Variants in CHD5 observed in about 807,000 individuals in gnomAD.
CHD5 encodes chromodomain helicase DNA binding protein 5.
Under a neutral mutation model 230.3 loss-of-function variants are expected in CHD5, and 69 were observed. The observed-to-expected ratio is 0.30, with a 90% confidence interval of 0.25 to 0.37. The LOEUF is 0.37. Ranked by LOEUF, CHD5 falls within the 10% of genes least tolerant of loss-of-function variation. The pLI, the probability that CHD5 is intolerant of heterozygous loss-of-function variation, is 1.00. For missense variants in CHD5, 1,827 were observed against 2,622.8 expected (o/e 0.70, Z 6.63); for synonymous variants, 1,064 against 1,065.9 (o/e 1.00, Z 0.03).
In CHD5 at chr1:6,112,239, G is replaced by A. The variant is rs1295044750; in HGVS notation, c.5041C>T (p.Gln1681Ter). The change falls in exon 35 of 42, where the codon CAG becomes TAG. Residue 1681 changes from glutamine to a stop codon, truncating the protein, a stop_gained. Transcript: ENST00000262450. LOFTEE classifies it high-confidence loss of function. ...TCTTCCTCTTTGTCACCATTTTGCT[G>A]TGTTTCAATGGGCTCCTTCTCCTCA... ...KAEEKEPIET[Q>*]QNGDKEEDDE... 1 of 1,613,976 alleles carries A rather than the reference G, an allele frequency of 6.2e-7. No homozygotes were observed. The highest frequency in any genetic ancestry group is 1.3e-5 in the African/African-American group (1 of 74,886).
At position 6,167,278 on chromosome 1, in the gene CHD5, CACT is replaced by C. The variant is rs1261861397; in HGVS notation, c.207+869_207+871del. 1.3e-5 allele frequency among the ~76,000 whole-genome samples: 2 copies of C among 152,220 alleles called. No homozygotes were observed. The highest frequency in any genetic ancestry group is 2.9e-5 in the Non-Finnish European group (2 of 68,040). On this transcript the variant is annotated intron_variant, in intron 2 of 41. Transcript: ENST00000262450. This position sits in a 1 kb window ranked among gnomAD's most constrained non-coding sequence, Gnocchi z 4.5. ...CCCTGGATTCAGATCTCAGCACCAC[CACT>C]GTGTCACTGTGTGACCTTGGGCCAG...
rs368434964 is a variant in CHD5 at position 6,152,399 on chromosome 1, C to A, written c.870+13G>T. 1 of 1,610,888 alleles carries A rather than the reference C, an allele frequency of 6.2e-7. No homozygotes were observed. The highest frequency in any genetic ancestry group is 8.5e-7 in the Non-Finnish European group (1 of 1,178,496). On this transcript the variant is annotated intron_variant, in intron 6 of 41. Coordinates refer to ENST00000262450, the MANE Select transcript of CHD5 (RefSeq NM_015557.3). ...GCAAATGCACACACACGCGCACACA[C>A]GCACACACTCACCGAGGAGCCTTTC... is the stretch of plus-strand genomic sequence containing the variant.
chr1:6,128,565 C>T lies in CHD5; in HGVS notation c.3664G>A (p.Val1222Ile), dbSNP rs773619212. ...GQRPVTPIPD[V>I]QSSKGGNLAA... ...AAGTTCCCCCCTTTGGAGGACTGGACATCAGGGATGGGTGTGACCGGCCTC... is the reference window on the plus strand; with the variant it reads ...AAGTTCCCCCCTTTGGAGGACTGGATATCAGGGATGGGTGTGACCGGCCTC... The change falls in exon 24 of 42, where the codon GTC (valine) becomes ATC (isoleucine). Residue 1222 changes from valine to isoleucine, a missense_variant. Transcript: ENST00000262450. The surrounding 1 kb of genome is among the most constrained non-coding windows in gnomAD (Gnocchi z 7.8). 3 of 1,614,166 alleles carry T rather than the reference C, an allele frequency of 1.9e-6. No homozygotes were observed. The highest frequency in any genetic ancestry group is 2.5e-6 in the Non-Finnish European group (3 of 1,180,010).
intron 30 of CHD5, 71 bp downstream of exon 30, chr1:6,124,446 G>A (rs1376619133): frequency 1.3e-6 from 2 of 1,547,072 alleles, no homozygotes; most frequent in African/African-American, 1.4e-5. Context: ...TCTGACCACT[G>A]ACCCACAAGG....
At chr1:6,159,734 G>T (rs1027186042) in intron 2 of CHD5, among the ~76,000 whole-genome samples, 21 of 152,248 alleles carry the variant, frequency 1.4e-4, no homozygotes, top group African/African-American at 5.1e-4. Context: ...TGTCCCCAGG[G>T]TCTACGCCAC....
chr1:6,117,145 A>C (rs1053644760), intron 33 of CHD5, among the ~76,000 whole-genome samples: 1 of 152,186 alleles, frequency 6.6e-6, no homozygotes, highest in Non-Finnish European at 1.5e-5. Context: ...GATGGCAGGA[A>C]AAGAGAAAAA....
intron 25 of CHD5, 68 bp downstream of exon 25, chr1:6,127,977 GA>G: frequency 7.5e-7 from 1 of 1,339,362 alleles, no homozygotes; most frequent in Non-Finnish European, 1.0e-6. Context: ...GGAAGGCGTG[GA>G]CACAGTGGGG....
intron 2 of CHD5, among the ~76,000 whole-genome samples, chr1:6,166,239 C>A (rs543371533): frequency 1.4e-5 from 2 of 142,144 alleles, no homozygotes; most frequent in East Asian, 4.4e-4. Flanking sequence ...GCACGGAGGA[C>A]CAGAAGGGCC....
At position 6,146,866 on chromosome 1, in the gene CHD5, G is replaced by C; in HGVS notation, c.1389C>G (p.Pro463=). 6.6e-7 allele frequency: 1 copy of C among 1,505,918 alleles called. No homozygotes were observed. Among genetic ancestry groups the C allele is most frequent in the East Asian group, 2.3e-5 (1 of 42,812 alleles). 93.3% of individuals were successfully genotyped at this position (1,505,918 alleles called of 1,614,324 possible). ...TCCGCTGGACTTTGCCCTTCAGTGG[G>C]GGGCACTGTGGACAGAGAAGGGTCC... ...GEWLCPRCTC[P]PLKGKVQRIL... is the part of the protein sequence containing the mutation. Residue 463 remains proline, a synonymous_variant, in exon 10 of 42, where the codon CCC becomes CCG. Transcript: ENST00000262450. This position sits in a 1 kb window ranked among gnomAD's most constrained non-coding sequence, Gnocchi z 5.1.
intron 6 of CHD5, among the ~76,000 whole-genome samples, chr1:6,151,481 A>G (rs1443104292): frequency 6.6e-6 from 1 of 152,172 alleles, no homozygotes; most frequent in Admixed American, 6.5e-5. Context: ...CACCTCCTCC[A>G]AGAAGTCTTC....
At chr1:6,108,103 G>A (rs1666225221) in intron 38 of CHD5, among the ~76,000 whole-genome samples, 1 of 144,198 alleles carries the variant, frequency 6.9e-6, no homozygotes, top group Non-Finnish European at 1.5e-5. Context: ...ATGGAGGGAT[G>A]GTGGAGACAT....
At chr1:6,161,479 A>G (rs1667176853) in intron 2 of CHD5, among the ~76,000 whole-genome samples, 1 of 152,124 alleles carries the variant, frequency 6.6e-6, no homozygotes, top group Non-Finnish European at 1.5e-5. Flanking sequence ...TAGCCCATTA[A>G]GCCTCCAGAG....
At chr1:6,178,152 G>A (rs1430822843) in intron 1 of CHD5, among the ~76,000 whole-genome samples, 2 of 152,192 alleles carry the variant, frequency 1.3e-5, no homozygotes, top group Non-Finnish European at 1.5e-5. Flanking sequence ...TCTTCTGCAG[G>A]GCTCTGGGGG....
At chr1:6,118,351 C>A (rs918165959) in intron 33 of CHD5, among the ~76,000 whole-genome samples, 114 of 144,552 alleles carry the variant, frequency 7.9e-4, no homozygotes, top group Non-Finnish European at 3.7e-4. Flanking sequence ...TGCACTCCAG[C>A]CTGGGTGATA....
chr1:6,135,001 C>A, intron 18 of CHD5, 142 bp from the exon 19 acceptor site: 2 of 1,129,944 alleles, frequency 1.8e-6, no homozygotes, highest in Non-Finnish European at 2.5e-6. Context: ...GTGAAGCCAC[C>A]GGCCTGGAGT....
intron 37 of CHD5, 143 bp from the exon 38 acceptor site, chr1:6,110,133 G>A: frequency 1.1e-6 from 1 of 932,028 alleles, no homozygotes; most frequent in Non-Finnish European, 1.6e-6. Flanking sequence ...ACCCTGGCCT[G>A]GTGGTGGCCA....
intron 9 of CHD5, among the ~76,000 whole-genome samples, chr1:6,147,560 T>C (rs962921294): frequency 6.6e-6 from 1 of 152,192 alleles, no homozygotes; most frequent in African/African-American, 2.4e-5. Flanking sequence ...GGAGCAGCCT[T>C]GGCCCTCCAA....
chr1:6,120,049 C>T (rs1313501445), intron 33 of CHD5, among the ~76,000 whole-genome samples: 1 of 151,934 alleles, frequency 6.6e-6, no homozygotes, highest in Non-Finnish European at 1.5e-5. Flanking sequence ...TTAATAGAGA[C>T]TGGGTTTCGC....
rs536947127 is a variant in CHD5, at chr1:6,123,677, C to T, written c.4699+271G>A. Among the ~76,000 whole-genome samples the T allele has an allele frequency of 1.9e-3, 236 of 127,544 alleles. 1 individual carries two copies. Among genetic ancestry groups the T allele is most frequent in the African/African-American group, 6.4e-3 (230 of 35,982 alleles). The allele number at this position is 127,544 out of a possible 152,430, so 83.7% of individuals were successfully genotyped here. On this transcript the variant is annotated intron_variant, in intron 31 of 41. Coordinates refer to ENST00000262450, the MANE Select transcript of CHD5 (RefSeq NM_015557.3). ...TCCTGAGCTCAGGTGATCCTGCCGC[C>T]TCAGCCTCCTAAAGTGCTGTGATTA...
Sources: gnomAD v4.1 joint callset for allele counts (sites outside exome capture counted in the v4.1 genomes callset) on GRCh38, gnomAD v4.1.1 for gene constraint, Gnocchi (gnomAD v3.1) non-coding constraint, MANE v1.5 for transcripts, NCBI Gene and HGNC (gene_info 2026-07-23, HGNC 2026-07-21) for gene names.